The following ASTN2 variants were observed in gnomAD, a reference collection of about 807,000 sequenced individuals.
The protein encoded by ASTN2 is astrotactin-2.
ASTN2 carries 54 observed loss-of-function variants against 139.8 expected under a neutral mutation model. The observed-to-expected ratio is 0.39, with a 90% CI of 0.31 to 0.48. ASTN2 has a LOEUF of 0.48. Ranked by LOEUF, ASTN2 falls within the 20% of genes least tolerant of loss-of-function variation. The probability of loss-of-function intolerance (pLI) is 0.95; values close to 1 mark genes in which losing one functional copy is unlikely to be tolerated. For synonymous variants in ASTN2, 756 were observed against 719.5 expected (o/e 1.05, Z -0.81); for missense variants, 1,565 against 1,725.1 (o/e 0.91, Z 1.64).
rs1041822846 is a variant in ASTN2, at chr9:116,423,221, G to A, written c.*2630C>T. Reference sequence around the variant, plus strand: ...AGTATTATGCATATTGTCTCCATCAGGAGAAAAAATAAAAAATAAAATAAA... The same window carrying A: ...AGTATTATGCATATTGTCTCCATCAAGAGAAAAAATAAAAAATAAAATAAA... On this transcript the variant is annotated 3_prime_UTR_variant, in exon 23 of 23. Coordinates refer to ENST00000313400, the MANE Select transcript of ASTN2 (RefSeq NM_001365068.1). Among the ~76,000 whole-genome samples, 8 of 151,952 alleles carry A rather than the reference G, an allele frequency of 5.3e-5. No individual in the cohort carries two copies.
At chr9:116,962,703 G>T (rs577121169) in intron 10 of ASTN2, among the ~76,000 whole-genome samples, 4 of 151,940 alleles carry the variant, frequency 2.6e-5, no homozygotes, top group African/African-American at 9.7e-5. Flanking sequence ...TTTTAATTTC[G>T]TTGCATCTAC....
At chr9:117,403,691 T>C (rs1306747312) in intron 1 of ASTN2, among the ~76,000 whole-genome samples, 1 of 152,158 alleles carries the variant, frequency 6.6e-6, no homozygotes, top group Non-Finnish European at 1.5e-5. Context: ...GTGACTTCCC[T>C]GGGTGCATGA....
chr9:116,577,307 T>C (rs1436834842), intron 19 of ASTN2, among the ~76,000 whole-genome samples: 1 of 152,128 alleles, frequency 6.6e-6, no homozygotes, highest in East Asian at 1.9e-4. Context: ...GGTGACTGAA[T>C]TGCTTGAGCT....
intron 2 of ASTN2, among the ~76,000 whole-genome samples, chr9:117,277,918 C>T (rs1834232730): frequency 6.6e-6 from 1 of 152,188 alleles, no homozygotes; most frequent in African/African-American, 2.4e-5. Flanking sequence ...CTAGCTCTTG[C>T]AAATGACTTG....
chr9:117,202,877 C>T (rs1487715490), intron 3 of ASTN2, among the ~76,000 whole-genome samples: 2 of 152,106 alleles, frequency 1.3e-5, no homozygotes, highest in Non-Finnish European at 2.9e-5. Flanking sequence ...TGCATGCTAG[C>T]ATGTCTTGCT....
In ASTN2 at chr9:116,740,538, A is replaced by T. The variant is rs1298484647; in HGVS notation, c.2397-7015T>A. 2.6e-5 allele frequency among the ~76,000 whole-genome samples: 4 copies of T among 151,914 alleles called. No individual in the cohort carries two copies. In the East Asian group the frequency reaches 7.7e-4, roughly 29 times the overall value. ...TTATTTATTTATTTTTTTGAGATGG[A>T]GTCTTGCTCTGTCGCCCAGGCTGGA... is the stretch of plus-strand genomic sequence containing the variant. On this transcript the variant is annotated intron_variant, in intron 13 of 22. Coordinates refer to ENST00000313400, the MANE Select transcript of ASTN2 (RefSeq NM_001365068.1).
intron 5 of ASTN2, among the ~76,000 whole-genome samples, chr9:117,040,486 T>G (rs184875788): frequency 6.6e-6 from 1 of 152,266 alleles, no homozygotes; most frequent in East Asian, 1.9e-4. Context: ...TGAGGCGGAG[T>G]CTCGCTTTGT....
At chr9:116,477,225 G>A (rs754318352) in intron 20 of ASTN2, among the ~76,000 whole-genome samples, 1 of 152,118 alleles carries the variant, frequency 6.6e-6, no homozygotes, top group Non-Finnish European at 1.5e-5. Context: ...TTTCCTCTAC[G>A]AGTCTCTCTT....
chr9:117,380,114 T>C (rs1830227460), intron 1 of ASTN2, among the ~76,000 whole-genome samples: 1 of 152,142 alleles, frequency 6.6e-6, no homozygotes, highest in Non-Finnish European at 1.5e-5. Flanking sequence ...AAGGGATCCA[T>C]TTATGTTTTT....
intron 20 of ASTN2, among the ~76,000 whole-genome samples, chr9:116,458,286 A>G (rs184884228): frequency 2.6e-5 from 4 of 152,138 alleles, no homozygotes; most frequent in African/African-American, 9.6e-5. Flanking sequence ...TAAAATGAAT[A>G]ACATCTAGTA....
intron 11 of ASTN2, among the ~76,000 whole-genome samples, chr9:116,822,681 G>C (rs1487740950): frequency 1.9e-4 from 29 of 152,118 alleles, no homozygotes; most frequent in Non-Finnish European, 2.1e-4. Context: ...TGTTCACTAA[G>C]CTCCAGGTTT....
intron 3 of ASTN2, chr9:117,180,837 C>A: frequency 1.3e-6 from 2 of 1,554,612 alleles, no homozygotes; most frequent in Non-Finnish European, 1.8e-6. Flanking sequence ...TGAAGCCCCA[C>A]TTCTTTGAGA....
intron 4 of ASTN2, among the ~76,000 whole-genome samples, chr9:117,120,040 A>G (rs1361754204): frequency 1.5e-5 from 2 of 136,780 alleles, no homozygotes; most frequent in East Asian, 2.2e-4. Context: ...ATATATATAT[A>G]TATATATATA....
chr9:117,411,730 A>G (rs189170771), intron 1 of ASTN2, among the ~76,000 whole-genome samples: 62 of 152,244 alleles, frequency 4.1e-4, no homozygotes, highest in African/African-American at 1.3e-3. Flanking sequence ...GGTGGACACC[A>G]TCACCCCCTA....
chr9:116,529,295 G>A (rs1455907981), intron 19 of ASTN2, among the ~76,000 whole-genome samples: 2 of 152,062 alleles, frequency 1.3e-5, no homozygotes, highest in East Asian at 1.9e-4. Flanking sequence ...AGATTATTTT[G>A]GACCTTTAAG....
intron 3 of ASTN2, among the ~76,000 whole-genome samples, chr9:117,200,229 C>T (rs1388472478): frequency 1.4e-5 from 2 of 142,590 alleles, no homozygotes; most frequent in Admixed American, 7.1e-5. Context: ...TATCCCTCCC[C>T]CCTCCCCCTA....
intron 11 of ASTN2, among the ~76,000 whole-genome samples, chr9:116,845,467 G>C (rs142411218): frequency 6.6e-6 from 1 of 152,186 alleles, no homozygotes; most frequent in East Asian, 1.9e-4. Flanking sequence ...CAATGGTAGA[G>C]ATCAGGTAAA....
intron 17 of ASTN2, among the ~76,000 whole-genome samples, chr9:116,636,276 T>A (rs1793307136): frequency 6.6e-6 from 1 of 152,194 alleles, no homozygotes; most frequent in South Asian, 2.1e-4. Flanking sequence ...AGTCTAAAAG[T>A]CTGGAAGCAA....
chr9:116,725,446 A>T (rs1020196329), intron 16 of ASTN2, among the ~76,000 whole-genome samples: 1 of 152,068 alleles, frequency 6.6e-6, no homozygotes, highest in African/African-American at 2.4e-5. Context: ...GCTGACCCCC[A>T]ACCTGATCTC....
Sources: gnomAD v4.1 joint callset for allele counts (sites outside exome capture counted in the v4.1 genomes callset) on GRCh38, gnomAD v4.1.1 for gene constraint, MANE v1.5 for transcripts, NCBI Gene and HGNC (gene_info 2026-07-23, HGNC 2026-07-21) for gene names.